Variants in TAX1BP1 observed in about 807,000 individuals in gnomAD.
TAX1BP1 encodes the protein tax1-binding protein 1.
TAX1BP1 carries 62 observed loss-of-function variants against 97.7 expected under a neutral mutation model. The ratio of observed to expected loss-of-function variants is 0.63; its 90% CI spans 0.52 to 0.78. TAX1BP1 has a LOEUF of 0.78. Ranked by LOEUF, TAX1BP1 falls within the 30% of genes least tolerant of loss-of-function variation. The pLI is 0.00. For synonymous variants in TAX1BP1, 340 were observed against 304.2 expected (o/e 1.12, Z -1.23); for missense variants, 867 against 916.1 (o/e 0.95, Z 0.69).
chr7:27,797,292 C>T (rs572049444), intron 12 of TAX1BP1, among the ~76,000 whole-genome samples: 2 of 152,154 alleles, frequency 1.3e-5, no homozygotes, highest in South Asian at 4.2e-4. Flanking sequence ...CCACCGCGCC[C>T]GGCCTATTTT....
At chr7:27,799,477 C>T (rs1286961435) in intron 12 of TAX1BP1, among the ~76,000 whole-genome samples, 3 of 152,188 alleles carry the variant, frequency 2.0e-5, no homozygotes, top group Non-Finnish European at 4.4e-5. Flanking sequence ...GACTTTATTT[C>T]CTCCCTTTGC....
At position 27,765,878 on chromosome 7, in the gene TAX1BP1, T is replaced by TTA; in HGVS notation, c.310_311insTA (p.Tyr104LeufsTer39). On this transcript the variant is annotated frameshift_variant, in exon 4 of 17. Transcript: ENST00000396319. LOFTEE classifies it high-confidence loss of function. The stretch of plus-strand genomic sequence containing the variant: ...TGATGGAGAATTTTATCAGTTCTGT[T>TTA]ACGTTACCCATAAGGGTGAAATTCG... The TTA allele has an allele frequency of 6.2e-7, 1 of 1,614,210 alleles. No homozygotes were observed. Among genetic ancestry groups the TTA allele is most frequent in the Non-Finnish European group, 8.5e-7 (1 of 1,180,038 alleles).
At chr7:27,739,604 T>G (rs1391425711), upstream of TAX1BP1, 1 of 151,922 alleles carries the variant, frequency 6.6e-6, no homozygotes, top group Non-Finnish European at 1.5e-5. Flanking sequence ...CGAGAGCAAA[T>G]AGAATCAGAG....
intron 1 of TAX1BP1, among the ~76,000 whole-genome samples, chr7:27,747,274 G>A (rs1562694856): frequency 6.6e-6 from 1 of 152,094 alleles, no homozygotes; most frequent in Non-Finnish European, 1.5e-5. Flanking sequence ...ATCCTCATTT[G>A]TTTCTGTTTT....
chr7:27,825,997 T>C (rs1227396606), intron 15 of TAX1BP1, among the ~76,000 whole-genome samples: 1 of 152,222 alleles, frequency 6.6e-6, no homozygotes, highest in Non-Finnish European at 1.5e-5. Context: ...ATTTTGTTCC[T>C]TATCACTGTT....
In TAX1BP1 at chr7:27,791,986, T is replaced by TA. The variant is rs1440329836; in HGVS notation, c.1039-19dup. 1.2e-6 allele frequency: 2 copies of TA among 1,609,234 alleles called. No individual in the cohort carries two copies. Among genetic ancestry groups the TA allele is most frequent in the East Asian group, 4.5e-5 (2 of 44,838 alleles). ...TACTTGAGTGGTTGAATTACAAATA[T>TA]ATTTATCTGCTTTCTTCAGGAAGAT... On this transcript the variant is annotated intron_variant, in intron 8 of 16. Transcript: ENST00000396319.
chr7:27,792,185 T>C lies in TAX1BP1; in HGVS notation c.1218T>C (p.Ala406=). Residue 406 remains alanine, a synonymous_variant, in exon 9 of 17, where the codon GCT becomes GCC. Coordinates refer to ENST00000396319, the MANE Select transcript of TAX1BP1 (RefSeq NM_006024.7). ...ACGAGAAAGTGAAAAAGCAGTTAGC[T>C]GATGCAGTGGCAGAACTTAAACTAA... ...LENEKVKKQL[A]DAVAELKLNA... is the part of the protein sequence containing the mutation. 6.2e-7 allele frequency: 1 copy of C among 1,613,686 alleles called. No individual in the cohort carries two copies. Among genetic ancestry groups the C allele is most frequent in the South Asian group, 1.1e-5 (1 of 91,064 alleles).
chr7:27,770,286 A>G (rs1181851205), intron 5 of TAX1BP1, among the ~76,000 whole-genome samples: 2 of 152,206 alleles, frequency 1.3e-5, no homozygotes, highest in African/African-American at 4.8e-5. Flanking sequence ...TGTTATCCTA[A>G]GAAACAAACT....
At chr7:27,741,007 G>A (rs562477962) in intron 1 of TAX1BP1, among the ~76,000 whole-genome samples, 165 of 152,314 alleles carry the variant, frequency 1.1e-3, no homozygotes, top group African/African-American at 3.8e-3. Flanking sequence ...AAAAAATTGA[G>A]CTTAGCGTGC....
At chr7:27,802,349 C>A (rs1790171917) in intron 13 of TAX1BP1, among the ~76,000 whole-genome samples, 1 of 152,184 alleles carries the variant, frequency 6.6e-6, no homozygotes, top group South Asian at 2.1e-4. Context: ...TAAAGACCAC[C>A]TCCTTTTGGG....
chr7:27,798,787 A>G (rs1214805290), intron 12 of TAX1BP1, among the ~76,000 whole-genome samples: 3 of 151,334 alleles, frequency 2.0e-5, no homozygotes, highest in Non-Finnish European at 1.5e-5. Flanking sequence ...TTGTATAATG[A>G]CTTGATGTTG....
At chr7:27,740,012 C>T (rs1475517354), upstream of TAX1BP1, 1 of 152,260 alleles carries the variant, frequency 6.6e-6, no homozygotes. Context: ...GAGAGCCAGC[C>T]TACCCGCGGG....
At chr7:27,821,748 G>A (rs2128326397) in intron 15 of TAX1BP1, among the ~76,000 whole-genome samples, 1 of 151,990 alleles carries the variant, frequency 6.6e-6, no homozygotes, top group Non-Finnish European at 1.5e-5. Context: ...TATTCACAGA[G>A]CTGTGCAACC....
intron 5 of TAX1BP1, among the ~76,000 whole-genome samples, chr7:27,775,993 T>C (rs1266383750): frequency 6.7e-6 from 1 of 149,414 alleles, no homozygotes; most frequent in African/African-American, 2.5e-5. Flanking sequence ...GTCTGTCTGT[T>C]CGTCTGTCTG....
intron 2 of TAX1BP1, among the ~76,000 whole-genome samples, chr7:27,753,380 GT>G (rs1788093647): frequency 6.6e-6 from 1 of 152,120 alleles, no homozygotes; most frequent in Non-Finnish European, 1.5e-5. Context: ...AATACTATAT[GT>G]TACATTATAT....
In TAX1BP1 at chr7:27,802,004, G is replaced by A. The variant is rs2237345; in HGVS notation, c.1764+1914G>A. 0.013 allele frequency among the ~76,000 whole-genome samples: 2,054 copies of A among 152,298 alleles called. 128 individuals are homozygous for A. The East Asian group carries it at 0.18, about 13-fold the overall frequency. On this transcript the variant is annotated intron_variant, in intron 13 of 16. Coordinates refer to ENST00000396319, the MANE Select transcript of TAX1BP1 (RefSeq NM_006024.7). ...GGGAGGAGAAGCAGAGCTAGGGAAA[G>A]GAAGCAGCAGCATTCTAAGTAGATG...
Position 27,829,490 on chromosome 7 carries a change from A to G in TAX1BP1, c.*661A>G, listed in dbSNP as rs1425400378. On this transcript the variant is annotated 3_prime_UTR_variant, in exon 17 of 17. Coordinates refer to ENST00000396319, the MANE Select transcript of TAX1BP1 (RefSeq NM_006024.7). Reference sequence around the variant, plus strand: ...AACTATCTTGAAGTTGTATGTATATATCTAATGGGAAAATGGAACAAGAGA... The same window carrying G: ...AACTATCTTGAAGTTGTATGTATATGTCTAATGGGAAAATGGAACAAGAGA... The G allele has an allele frequency of 1.3e-5, 2 of 152,222 alleles. No homozygotes were observed. The highest frequency in any genetic ancestry group is 1.9e-4 in the East Asian group (1 of 5,204). The allele number at this position is 152,222 out of a possible 1,614,324, so 9.4% of individuals were successfully genotyped here. A position where few individuals can be genotyped will look rare whatever the true frequency, so the allele number is the denominator to read the frequency against.
intron 4 of TAX1BP1, among the ~76,000 whole-genome samples, chr7:27,766,511 TGAAA>T (rs1218250846): frequency 6.6e-6 from 1 of 150,504 alleles, no homozygotes; most frequent in Non-Finnish European, 1.5e-5. Context: ...TGTCTTTTTT[TGAAA>T]TGCTTAAAAA....
At chr7:27,790,966 T>C (rs901198704) in intron 8 of TAX1BP1, among the ~76,000 whole-genome samples, 19 of 152,196 alleles carry the variant, frequency 1.2e-4, no homozygotes, top group Non-Finnish European at 2.6e-4. Flanking sequence ...TTTATTTCTT[T>C]AGAAAATTTT....
Sources: gnomAD v4.1 joint callset for allele counts (sites outside exome capture counted in the v4.1 genomes callset) on GRCh38, gnomAD v4.1.1 for gene constraint, MANE v1.5 for transcripts, NCBI Gene and HGNC (gene_info 2026-07-23, HGNC 2026-07-21) for gene names.